The following RAB11FIP4 variants were observed in gnomAD, a reference collection of about 807,000 sequenced individuals.
The protein encoded by RAB11FIP4 is rab11 family-interacting protein 4.
A neutral mutation model predicts 74.3 loss-of-function variants in RAB11FIP4; 23 were observed. The observed-to-expected ratio is 0.31, with a 90% confidence interval of 0.22 to 0.44. The LOEUF (loss-of-function observed/expected upper bound fraction) is 0.44. Among genes scored for constraint, RAB11FIP4 ranks in the 20% least tolerant of loss-of-function variants. The probability of loss-of-function intolerance (pLI) is 1.00; values close to 1 mark genes in which losing one functional copy is unlikely to be tolerated. For synonymous variants in RAB11FIP4, 360 were observed against 359.9 expected (o/e 1.00, Z 0.00); for missense variants, 630 against 863.9 (o/e 0.73, Z 3.39).
At chr17:31,396,624 C>T (rs910273296) in intron 1 of RAB11FIP4, among the ~76,000 whole-genome samples, 1 of 152,144 alleles carries the variant, frequency 6.6e-6, no homozygotes, top group African/African-American at 2.4e-5. Context: ...AGATCTGGCA[C>T]CGGCCTCTGT....
At chr17:31,438,617 G>C (rs1160271499) in intron 3 of RAB11FIP4, among the ~76,000 whole-genome samples, 1 of 152,004 alleles carries the variant, frequency 6.6e-6, no homozygotes, top group Non-Finnish European at 1.5e-5. Flanking sequence ...CCTTACCAAG[G>C]GATGAAAACC....
chr17:31,463,181 C>T (rs555155093), intron 3 of RAB11FIP4, among the ~76,000 whole-genome samples: 74 of 152,318 alleles, frequency 4.9e-4, no homozygotes, highest in Non-Finnish European at 8.1e-4. Context: ...TGCAAGGCCG[C>T]TCAGCTTAAT....
intron 3 of RAB11FIP4, among the ~76,000 whole-genome samples, chr17:31,435,529 AT>A (rs1455789602): frequency 6.6e-6 from 1 of 152,176 alleles, no homozygotes; most frequent in East Asian, 1.9e-4. Flanking sequence ...GAAGAGGATG[AT>A]TTTGATTTCT....
intron 3 of RAB11FIP4, among the ~76,000 whole-genome samples, chr17:31,473,935 G>T (rs2071764957): frequency 6.6e-6 from 1 of 152,196 alleles, no homozygotes; most frequent in Non-Finnish European, 1.5e-5. Flanking sequence ...GGGCTGCCTT[G>T]CCCAAGATGA....
At chr17:31,507,291 A>C (rs1242081549) in intron 3 of RAB11FIP4, among the ~76,000 whole-genome samples, 1 of 152,148 alleles carries the variant, frequency 6.6e-6, no homozygotes, top group Non-Finnish European at 1.5e-5. Flanking sequence ...AAAAAGAAAA[A>C]AAAGGTTACA....
At chr17:31,398,824 G>A (rs1429207998) in intron 1 of RAB11FIP4, among the ~76,000 whole-genome samples, 1 of 152,194 alleles carries the variant, frequency 6.6e-6, no homozygotes, top group African/African-American at 2.4e-5. Context: ...CCTGTGTGCT[G>A]CCTGGGCTGG....
chr17:31,528,688 C>T lies in RAB11FIP4; in HGVS notation c.1563C>T (p.Gly521=), dbSNP rs757971497. 42 of 1,612,394 alleles carry T rather than the reference C, an allele frequency of 2.6e-5. No individual in the cohort carries two copies. Among genetic ancestry groups the T allele is most frequent in the Non-Finnish European group, 3.6e-5 (42 of 1,179,582 alleles). Residue 521 remains glycine (G), a synonymous_variant, in exon 13 of 15, where the codon GGC becomes GGT. Transcript: ENST00000621161. ...QMYKLDCERP[G]RGRSASSGLG... Reference sequence around the variant, plus strand: ...ACAAGCTGGACTGCGAGCGGCCAGGCAGGGGCCGCAGTGCCTCCTCTGGCC... The same window carrying T: ...ACAAGCTGGACTGCGAGCGGCCAGGTAGGGGCCGCAGTGCCTCCTCTGGCC...
chr17:31,504,821 C>T (rs976192710), intron 3 of RAB11FIP4, among the ~76,000 whole-genome samples: 8 of 152,070 alleles, frequency 5.3e-5, no homozygotes, highest in African/African-American at 1.7e-4. Flanking sequence ...GGATAATATT[C>T]GGTTTCTATG....
chr17:31,423,122 T>C (rs973765733), intron 1 of RAB11FIP4, among the ~76,000 whole-genome samples: 1 of 152,138 alleles, frequency 6.6e-6, no homozygotes, highest in African/African-American at 2.4e-5. Flanking sequence ...GGTTTCACCA[T>C]GTTAGCCAGG....
chr17:31,477,200 C>T (rs779043861), intron 3 of RAB11FIP4, among the ~76,000 whole-genome samples: 3 of 152,250 alleles, frequency 2.0e-5, no homozygotes, highest in Non-Finnish European at 2.9e-5. Context: ...TGTGTCCTTC[C>T]AACCCCAGAA....
intron 10 of RAB11FIP4, chr17:31,525,602 C>T (rs995099239): frequency 3.5e-5 from 8 of 228,262 alleles, no homozygotes; most frequent in East Asian, 2.2e-4. Context: ...ATGGAAAACC[C>T]GGCTCCTGTG....
At chr17:31,394,644 T>C (rs2070909836) in intron 1 of RAB11FIP4, among the ~76,000 whole-genome samples, 2 of 152,168 alleles carry the variant, frequency 1.3e-5, no homozygotes, top group South Asian at 4.1e-4. Flanking sequence ...TTTCATCACA[T>C]TGTATCTGTC....
chr17:31,496,951 G>A (rs891893559), intron 3 of RAB11FIP4, among the ~76,000 whole-genome samples: 4 of 152,180 alleles, frequency 2.6e-5, no homozygotes, highest in Non-Finnish European at 4.4e-5. Flanking sequence ...GACCTTTCAC[G>A]AATTACTTAA....
chr17:31,523,264 A>T, intron 7 of RAB11FIP4: 1 of 548,758 alleles, frequency 1.8e-6, no homozygotes, highest in Non-Finnish European at 3.3e-6. Context: ...CTGAGGCCGC[A>T]GGAGAAGCTG....
At chr17:31,486,477 G>A (rs1167549356) in intron 3 of RAB11FIP4, among the ~76,000 whole-genome samples, 1 of 152,102 alleles carries the variant, frequency 6.6e-6, no homozygotes, top group African/African-American at 2.4e-5. Flanking sequence ...ATACCTTGCT[G>A]TGTTGTCCAA....
chr17:31,479,857 TTC>T, intron 3 of RAB11FIP4, among the ~76,000 whole-genome samples: 1 of 152,230 alleles, frequency 6.6e-6, no homozygotes, highest in Non-Finnish European at 1.5e-5. Flanking sequence ...AAGTCATTTC[TTC>T]TCTCTCGGCC....
At chr17:31,493,545 C>T (rs1336617126) in intron 3 of RAB11FIP4, among the ~76,000 whole-genome samples, 2 of 152,110 alleles carry the variant, frequency 1.3e-5, no homozygotes, top group Admixed American at 6.5e-5. Context: ...AGAATAGGAG[C>T]GAGAATAGCA....
chr17:31,480,852 T>C (rs866654316), intron 3 of RAB11FIP4, among the ~76,000 whole-genome samples: 8 of 151,238 alleles, frequency 5.3e-5, no homozygotes, highest in African/African-American at 1.7e-4. Flanking sequence ...AGGGTCTCTC[T>C]ATGCCCATAC....
intron 3 of RAB11FIP4, among the ~76,000 whole-genome samples, chr17:31,440,036 T>C (rs535356053): frequency 1.3e-5 from 2 of 152,348 alleles, no homozygotes; most frequent in East Asian, 3.9e-4. Context: ...AATTCTGATG[T>C]CATCATTTAT....
Sources: allele counts gnomAD v4.1 joint callset (sites outside exome capture counted in the v4.1 genomes callset), GRCh38; gene constraint gnomAD v4.1.1; transcripts MANE v1.5; gene names NCBI Gene and HGNC (gene_info 2026-07-23, HGNC 2026-07-21).